GRHL2: variants seen among roughly 807,000 people sequenced by gnomAD.
The protein encoded by GRHL2 is grainyhead-like protein 2 homolog.
GRHL2 carries 21 observed loss-of-function variants against 83.8 expected under a neutral mutation model. That is an observed-to-expected ratio of 0.25 (90% confidence interval 0.18 to 0.36). The LOEUF (loss-of-function observed/expected upper bound fraction) is 0.36, where lower values mean the gene tolerates loss of function less well. Among genes scored for constraint, GRHL2 ranks in the 10% least tolerant of loss-of-function variants. The pLI is 1.00. For synonymous variants in GRHL2, 280 were observed against 278.9 expected (o/e 1.00, Z -0.04); for missense variants, 623 against 781.8 (o/e 0.80, Z 2.42).
At chr8:101,638,978 C>A (rs913333916) in intron 12 of GRHL2, among the ~76,000 whole-genome samples, 3 of 151,912 alleles carry the variant, frequency 2.0e-5, no homozygotes, top group African/African-American at 7.3e-5. Flanking sequence ...GAGCATCTTG[C>A]GTAAGATCTC....
intron 14 of GRHL2, among the ~76,000 whole-genome samples, chr8:101,654,499 A>C (rs953539177): frequency 1.3e-5 from 2 of 152,046 alleles, no homozygotes; most frequent in African/African-American, 4.8e-5. Context: ...TGAACACCCA[A>C]CTCCCTATCC....
chr8:101,671,357 G>T (rs1814204672), downstream of GRHL2, among the ~76,000 whole-genome samples: 2 of 152,340 alleles, frequency 1.3e-5, no homozygotes, highest in South Asian at 4.1e-4. Context: ...CACACCAGGA[G>T]ATTATATCCC....
chr8:101,543,385 T>C lies in GRHL2; in HGVS notation c.165T>C (p.Asn55=), dbSNP rs1382965427. 3.7e-6 allele frequency: 6 copies of C among 1,614,040 alleles called. No homozygotes were observed. Among genetic ancestry groups the C allele is most frequent in the Middle Eastern group, 1.6e-4 (1 of 6,084 alleles). The change falls in exon 2 of 16, where the codon AAT becomes AAC. Residue 55 remains asparagine (N), a synonymous_variant. Transcript: ENST00000646743. The part of the protein sequence containing the change: ...TAATKAMMSI[N]GDEDSAAALG... Reference sequence around the variant, plus strand: ...CCACCAAGGCCATGATGAGCATTAATGGTGATGAGGACAGTGCTGCTGCCC... The same window carrying C: ...CCACCAAGGCCATGATGAGCATTAACGGTGATGAGGACAGTGCTGCTGCCC...
chr8:101,596,218 CTT>C (rs1468583617), intron 7 of GRHL2, among the ~76,000 whole-genome samples: 1 of 152,010 alleles, frequency 6.6e-6, no homozygotes, highest in Non-Finnish European at 1.5e-5. Context: ...GGTTCAACCT[CTT>C]TCACAATCAA....
intron 4 of GRHL2, among the ~76,000 whole-genome samples, chr8:101,565,794 T>C (rs1811705585): frequency 6.6e-6 from 1 of 152,220 alleles, no homozygotes; most frequent in Non-Finnish European, 1.5e-5. Context: ...TGAGAAGAAC[T>C]ATTTATAAGT....
chr8:101,630,023 A>C (rs1217706151), intron 9 of GRHL2, among the ~76,000 whole-genome samples: 1 of 152,168 alleles, frequency 6.6e-6, no homozygotes, highest in South Asian at 2.1e-4. Context: ...TAAGATAATT[A>C]TTCCATTTGG....
At chr8:101,659,607 C>T (rs1044416234) in intron 14 of GRHL2, among the ~76,000 whole-genome samples, 1 of 152,202 alleles carries the variant, frequency 6.6e-6, no homozygotes. Flanking sequence ...CAAATCTTCG[C>T]TCAGAGCCCT....
rs578021704 is a variant in GRHL2 at position 101,649,618 on chromosome 8, A to C, written c.1698+119A>C. ...CAGAATGAGCTTTATACAGAACAAGAAAAACCTAAGATTTGTGGAGGCATT... is the reference window on the plus strand; with the variant it reads ...CAGAATGAGCTTTATACAGAACAAGCAAAACCTAAGATTTGTGGAGGCATT... On this transcript the variant is annotated intron_variant, in intron 14 of 15. Coordinates refer to ENST00000646743, the MANE Select transcript of GRHL2 (RefSeq NM_024915.4). 9.2e-6 allele frequency: 7 copies of C among 761,830 alleles called. No homozygotes were observed. In the East Asian group the frequency reaches 1.9e-4, roughly 20 times the overall value. The allele number at this position is 761,830 out of a possible 1,614,324, so 47.2% of individuals were successfully genotyped here. A position where few individuals can be genotyped will look rare whatever the true frequency, so the allele number is the denominator to read the frequency against.
intron 7 of GRHL2, among the ~76,000 whole-genome samples, chr8:101,581,813 A>G (rs940787012): frequency 2.0e-5 from 3 of 152,224 alleles, no homozygotes; most frequent in African/African-American, 7.2e-5. Context: ...GGCAGCATAG[A>G]AGAGCGCTTC....
At chr8:101,594,377 G>A (rs1812350616) in intron 7 of GRHL2, among the ~76,000 whole-genome samples, 1 of 152,228 alleles carries the variant, frequency 6.6e-6, no homozygotes, top group Admixed American at 6.5e-5. Context: ...TCGGGTTTGA[G>A]AAACTTTCTT....
intron 7 of GRHL2, among the ~76,000 whole-genome samples, chr8:101,596,132 TAAA>T (rs35255628): frequency 6.6e-6 from 1 of 151,086 alleles, no homozygotes; most frequent in Non-Finnish European, 1.5e-5. Flanking sequence ...AAAATAAAAA[TAAA>T]AAAAATAAAA....
intron 4 of GRHL2, 75 bp downstream of exon 4, chr8:101,558,887 A>T: frequency 2.0e-6 from 3 of 1,483,192 alleles, no homozygotes; most frequent in Non-Finnish European, 2.8e-6. Flanking sequence ...TTTCCTTTCA[A>T]AGTGTGATAA....
At chr8:101,545,125 G>A (rs1030875579) in intron 2 of GRHL2, among the ~76,000 whole-genome samples, 3 of 152,138 alleles carry the variant, frequency 2.0e-5, no homozygotes, top group Non-Finnish European at 2.9e-5. Context: ...ACCATCCAGG[G>A]TATTTTAAAT....
chr8:101,664,892 C>CA (rs1255598557), intron 15 of GRHL2, among the ~76,000 whole-genome samples: 1 of 151,706 alleles, frequency 6.6e-6, no homozygotes, highest in African/African-American at 2.4e-5. Flanking sequence ...ATACTAGGAA[C>CA]AAAAAATGGT....
chr8:101,647,660 C>T (rs144968658), intron 13 of GRHL2, among the ~76,000 whole-genome samples: 14 of 152,258 alleles, frequency 9.2e-5, no homozygotes, highest in East Asian at 3.9e-4. Context: ...TTTGGAGACA[C>T]ATTCTATTTA....
At chr8:101,545,102 A>G (rs1239002047) in intron 2 of GRHL2, among the ~76,000 whole-genome samples, 1 of 152,102 alleles carries the variant, frequency 6.6e-6, no homozygotes, top group Non-Finnish European at 1.5e-5. Flanking sequence ...GGTGCAAGTG[A>G]CTGACAGGTA....
downstream of GRHL2, among the ~76,000 whole-genome samples, chr8:101,671,203 A>C (rs1814201108): frequency 6.6e-6 from 1 of 152,202 alleles, no homozygotes; most frequent in East Asian, 1.9e-4. Flanking sequence ...ACCCTGCGCA[A>C]GCTGAAGCAG....
chr8:101,498,119 A>T (rs1038803468), intron 1 of GRHL2, among the ~76,000 whole-genome samples: 2 of 151,990 alleles, frequency 1.3e-5, no homozygotes, highest in African/African-American at 4.8e-5. Context: ...TTACATTTTT[A>T]TTTATTTATT....
intron 7 of GRHL2, among the ~76,000 whole-genome samples, chr8:101,581,578 GA>G (rs1812053644): frequency 6.6e-6 from 1 of 152,176 alleles, no homozygotes; most frequent in Admixed American, 6.5e-5. Context: ...CCCTTTAAAA[GA>G]AGACTTGGAG....
Sources: allele counts gnomAD v4.1 joint callset (sites outside exome capture counted in the v4.1 genomes callset), GRCh38; gene constraint gnomAD v4.1.1; transcripts MANE v1.5; gene names NCBI Gene and HGNC (gene_info 2026-07-23, HGNC 2026-07-21).